The following RFX3 variants were observed in gnomAD, a reference collection of about 807,000 sequenced individuals.
RFX3 encodes transcription factor RFX3.
In RFX3, 14 loss-of-function variants were observed where a neutral mutation model predicts 98.6. That is an observed-to-expected ratio of 0.14 (90% CI 0.09 to 0.22). RFX3 has a LOEUF of 0.22. Among genes scored for constraint, RFX3 ranks in the 10% least tolerant of loss-of-function variants. The pLI is 1.00. For synonymous variants in RFX3, 383 were observed against 328.4 expected (o/e 1.17, Z -1.80); for missense variants, 639 against 926.9 (o/e 0.69, Z 4.03).
At position 3,237,344 on chromosome 9, in the gene RFX3, T is replaced by G. The variant is rs144317653; in HGVS notation, c.1969-8455A>C. Among the ~76,000 whole-genome samples the G allele has an allele frequency of 6.1e-3, 936 of 152,352 alleles. 3 individuals are homozygous for G. The highest frequency in any genetic ancestry group is 1.0e-2 in the Non-Finnish European group (677 of 68,024). ...ATTCCATGAATCATTTGACTCAACATTCAAAAATTGTTTGCAGAGTATTCT... is the reference window on the plus strand; with the variant it reads ...ATTCCATGAATCATTTGACTCAACAGTCAAAAATTGTTTGCAGAGTATTCT... On this transcript the variant is annotated intron_variant, in intron 15 of 16. Coordinates refer to ENST00000617270, the MANE Select transcript of RFX3 (RefSeq NM_001282116.2).
chr9:3,228,765 G>A, intron 16 of RFX3, 82 bp downstream of exon 16: 2 of 1,154,572 alleles, frequency 1.7e-6, no homozygotes, highest in South Asian at 3.0e-5. Context: ...TCAGAGTGTT[G>A]TAAACATATA....
chr9:3,502,189 G>T (rs1488072358), intron 1 of RFX3, among the ~76,000 whole-genome samples: 7 of 151,620 alleles, frequency 4.6e-5, no homozygotes, highest in African/African-American at 1.7e-4. Context: ...AACCCGGGAG[G>T]CGGAGCTTGC....
chr9:3,395,664 G>A (rs1394221187), intron 1 of RFX3, 68 bp from the exon 2 acceptor site: 18 of 1,546,806 alleles, frequency 1.2e-5, no homozygotes, highest in Non-Finnish European at 1.6e-5. Flanking sequence ...CCTTACAATT[G>A]TTCTTAAAAT....
intron 5 of RFX3, among the ~76,000 whole-genome samples, chr9:3,294,621 C>A (rs1269231883): frequency 2.6e-5 from 4 of 152,084 alleles, no homozygotes; most frequent in Non-Finnish European, 4.4e-5. Flanking sequence ...TTTAAAAATT[C>A]ATTAAAAATA....
intron 12 of RFX3, among the ~76,000 whole-genome samples, chr9:3,265,224 A>G (rs1238151272): frequency 6.6e-6 from 1 of 152,200 alleles, no homozygotes; most frequent in South Asian, 2.1e-4. Context: ...ATTTCACTTA[A>G]TTTAAAATTC....
chr9:3,432,237 C>T (rs944778176), intron 1 of RFX3, among the ~76,000 whole-genome samples: 1 of 151,996 alleles, frequency 6.6e-6, no homozygotes, highest in Non-Finnish European at 1.5e-5. Context: ...ACCCAGAACC[C>T]CATGAGTTCA....
intron 15 of RFX3, among the ~76,000 whole-genome samples, chr9:3,231,776 A>T (rs1818477511): frequency 6.6e-6 from 1 of 152,032 alleles, no homozygotes; most frequent in Non-Finnish European, 1.5e-5. Flanking sequence ...TCAAAAACAG[A>T]AGAGAGGTCA....
intron 1 of RFX3, among the ~76,000 whole-genome samples, chr9:3,428,081 C>A (rs865973227): frequency 1.7e-4 from 26 of 152,136 alleles, no homozygotes; most frequent in African/African-American, 6.0e-4. Context: ...CACAGTCTTG[C>A]ACTGTCTGTT....
At chr9:3,509,693 A>G (rs1817473155) in intron 1 of RFX3, among the ~76,000 whole-genome samples, 1 of 152,024 alleles carries the variant, frequency 6.6e-6, no homozygotes, top group Non-Finnish European at 1.5e-5. Flanking sequence ...CAAACTTTGA[A>G]TGCAGATTTA....
intron 15 of RFX3, among the ~76,000 whole-genome samples, chr9:3,235,586 G>C (rs1409906824): frequency 6.6e-6 from 1 of 152,098 alleles, no homozygotes; most frequent in Non-Finnish European, 1.5e-5. Context: ...GCAGAGTTGT[G>C]GTTCTTTCTG....
At chr9:3,227,904 C>A (rs916264973) in intron 16 of RFX3, among the ~76,000 whole-genome samples, 1 of 152,108 alleles carries the variant, frequency 6.6e-6, no homozygotes, top group African/African-American at 2.4e-5. Context: ...TAGCGCCGAA[C>A]CTCTTTACAG....
At chr9:3,239,446 G>A (rs755503779) in intron 15 of RFX3, among the ~76,000 whole-genome samples, 1 of 152,212 alleles carries the variant, frequency 6.6e-6, no homozygotes, top group Admixed American at 6.5e-5. Context: ...GCTGTTGTGG[G>A]CTAGACAGCT....
At chr9:3,311,083 A>T (rs1161341191) in intron 4 of RFX3, among the ~76,000 whole-genome samples, 1 of 152,242 alleles carries the variant, frequency 6.6e-6, no homozygotes, top group Non-Finnish European at 1.5e-5. Flanking sequence ...TTTCTTGTTA[A>T]TACAAGTTAC....
At position 3,218,815 on chromosome 9, in the gene RFX3, C is replaced by G. The variant is rs752243376; in HGVS notation, c.*6227G>C. On this transcript the variant is annotated 3_prime_UTR_variant, in exon 17 of 17. Transcript: ENST00000617270. ...TTCAGTCGATTGTAAAATAAATGTT[C>G]AAATATCTCCTAGTGTTACTATGTT... 6.6e-6 allele frequency: 1 copy of G among 152,024 alleles called. No homozygotes were observed. Among genetic ancestry groups the G allele is most frequent in the East Asian group, 1.9e-4 (1 of 5,198 alleles). 9.4% of individuals were successfully genotyped at this position (152,024 alleles called of 1,614,324 possible). A position where few individuals can be genotyped will look rare whatever the true frequency, so the allele number is the denominator to read the frequency against.
rs1313588904 is a variant in RFX3, at chr9:3,504,156, ATATATTATATATATTATATAT to A, written c.-9+21570_-9+21590del. Reference sequence around the variant, plus strand: ...ATATATATTATATATTATACATATTATATATTATATATATTATATATTATACATATTATATATTATATATAT... The same window carrying A: ...ATATATATTATATATTATACATATTATATACATATTATATATTATATATAT... On this transcript the variant is annotated intron_variant, in intron 1 of 16. Coordinates refer to ENST00000617270, the MANE Select transcript of RFX3 (RefSeq NM_001282116.2). 5.6e-5 allele frequency among the ~76,000 whole-genome samples: 5 copies of A among 89,646 alleles called. No homozygotes were observed. In the African/African-American group the frequency reaches 5.6e-4, roughly 10 times the overall value. The allele number at this position is 89,646 out of a possible 152,430, so 58.8% of individuals were successfully genotyped here. A position where few individuals can be genotyped will look rare whatever the true frequency, so the allele number is the denominator to read the frequency against.
chr9:3,472,918 AC>A (rs1653622025), intron 1 of RFX3, among the ~76,000 whole-genome samples: 2 of 152,356 alleles, frequency 1.3e-5, no homozygotes, highest in South Asian at 4.1e-4. Context: ...TACTGCAGTA[AC>A]GAGATGATCC....
chr9:3,310,332 T>C (rs1345030366), intron 4 of RFX3, among the ~76,000 whole-genome samples: 3 of 152,200 alleles, frequency 2.0e-5, no homozygotes, highest in Non-Finnish European at 2.9e-5. Context: ...AATGTAAATA[T>C]TAACCTGTCA....
chr9:3,390,030 A>G (rs1205877900), intron 2 of RFX3, among the ~76,000 whole-genome samples: 1 of 152,212 alleles, frequency 6.6e-6, no homozygotes, highest in African/African-American at 2.4e-5. Flanking sequence ...TTTATTCGGT[A>G]CTTACTACAC....
chr9:3,360,491 C>A (rs139069246), intron 2 of RFX3, among the ~76,000 whole-genome samples: 42 of 151,928 alleles, frequency 2.8e-4, no homozygotes, highest in Non-Finnish European at 3.8e-4. Flanking sequence ...ACATTCTGTA[C>A]CAGAATTTAT....
Sources: gnomAD v4.1 joint callset for allele counts (sites outside exome capture counted in the v4.1 genomes callset) on GRCh38, gnomAD v4.1.1 for gene constraint, MANE v1.5 for transcripts, NCBI Gene and HGNC (gene_info 2026-07-23, HGNC 2026-07-21) for gene names.